GNAI2: variants seen among roughly 807,000 people sequenced by gnomAD.
GNAI2 encodes G protein subunit alpha i2.
In GNAI2, 4 loss-of-function variants were observed where a neutral mutation model predicts 36.8. The ratio of observed to expected loss-of-function variants is 0.11; its 90% confidence interval spans 0.05 to 0.25. The LOEUF (loss-of-function observed/expected upper bound fraction) is 0.25. Among genes scored for constraint, GNAI2 ranks in the 10% least tolerant of loss-of-function variants. GNAI2 has a pLI of 1.00. For synonymous variants in GNAI2, 194 were observed against 194.1 expected, an observed-to-expected ratio of 1.00 and a Z score of 0.01; for missense variants, 230 against 481.3, an observed-to-expected ratio of 0.48 and a Z score of 4.89.
At position 50,242,063 on chromosome 3, in the gene GNAI2, G is replaced by A. The variant is rs782772168; in HGVS notation, c.118+5610G>A. Reference sequence around the variant, plus strand: ...ACACACAGGTCCTGTATACTCTGCCGTTGATCTTAGTTCTTGGTCCCTGGC... The same window carrying A: ...ACACACAGGTCCTGTATACTCTGCCATTGATCTTAGTTCTTGGTCCCTGGC... On this transcript the variant is annotated intron_variant, in intron 1 of 8. Transcript: ENST00000313601. The surrounding 1 kb of genome is among the most constrained non-coding windows in gnomAD (Gnocchi z 4.8). Among the ~76,000 whole-genome samples, 30 of 152,108 alleles carry A rather than the reference G, an allele frequency of 2.0e-4. No homozygotes were observed. The highest frequency in any genetic ancestry group is 6.0e-4 in the African/African-American group (25 of 41,410).
chr3:50,228,139 C>T (rs1700011170), upstream of GNAI2, among the ~76,000 whole-genome samples: 4 of 152,254 alleles, frequency 2.6e-5, no homozygotes, highest in Admixed American at 2.6e-4. Flanking sequence ...CGGGACAGCC[C>T]TGTCTCCACA....
Position 50,242,900 on chromosome 3 carries a change from A to C in GNAI2, c.118+6447A>C, listed in dbSNP as rs1361377603. On this transcript the variant is annotated intron_variant, in intron 1 of 8. Coordinates refer to ENST00000313601, the MANE Select transcript of GNAI2 (RefSeq NM_002070.4). The surrounding 1 kb of genome is among the most constrained non-coding windows in gnomAD (Gnocchi z 4.8). Reference sequence around the variant, plus strand: ...TGCAAAGGAGGTGATGGCAGCACCTACTGTGTGTGCCCCCGGCGGGAGGAG... The same window carrying C: ...TGCAAAGGAGGTGATGGCAGCACCTCCTGTGTGTGCCCCCGGCGGGAGGAG... 6.6e-6 allele frequency among the ~76,000 whole-genome samples: 1 copy of C among 152,174 alleles called. No individual in the cohort carries two copies. The highest frequency in any genetic ancestry group is 1.5e-5 in the Non-Finnish European group (1 of 68,032).
At chr3:50,256,166 C>T (rs1553703117) in intron 4 of GNAI2, 26 bp from the exon 5 acceptor site, 1 of 1,329,946 alleles carries the variant, frequency 7.5e-7, no homozygotes, top group South Asian at 1.2e-5. Context: ...CTGGCCCCCA[C>T]TGACCCTCCC....
chr3:50,235,098 A>G (rs1575436668), upstream of GNAI2: 1 of 150,956 alleles, frequency 6.6e-6, no homozygotes, highest in Admixed American at 6.6e-5. Flanking sequence ...TTCCCTCCCA[A>G]CCCCCTCACC....
intron 1 of GNAI2, among the ~76,000 whole-genome samples, chr3:50,248,901 C>A (rs1197458153): frequency 1.3e-5 from 2 of 152,062 alleles, no homozygotes; most frequent in Non-Finnish European, 2.9e-5. Context: ...TGCTGCCTAC[C>A]TCATGTCTAC....
intron 1 of GNAI2, among the ~76,000 whole-genome samples, chr3:50,245,883 C>T (rs958785867): frequency 1.3e-5 from 2 of 152,258 alleles, no homozygotes; most frequent in South Asian, 2.1e-4. Flanking sequence ...GTAGTGCTCC[C>T]CTTTGGGCAC....
At position 50,255,155 on chromosome 3, in the gene GNAI2, G is replaced by C. The variant is rs1229427744; in HGVS notation, c.465-1037G>C. ...TTCCCTCTGGCCTGGTTTGGCCTGG[G>C]TGCTGGTGGGAGCCAAGGGCCAGCC... On this transcript the variant is annotated intron_variant, in intron 4 of 8. Transcript: ENST00000313601. This position sits in a 1 kb window ranked among gnomAD's most constrained non-coding sequence, Gnocchi z 4.0. Among the ~76,000 whole-genome samples the C allele has an allele frequency of 7.9e-5, 12 of 152,212 alleles. No individual in the cohort carries two copies. Among genetic ancestry groups the C allele is most frequent in the Admixed American group, 7.8e-4 (12 of 15,288 alleles).
upstream of GNAI2, chr3:50,230,259 C>T (rs1700047578): frequency 6.6e-6 from 1 of 152,424 alleles, no homozygotes; most frequent in African/African-American, 2.4e-5. Flanking sequence ...GGGGAAAGCG[C>T]AGGAGTTGAA....
Position 50,236,211 on chromosome 3 carries a change from C to G in GNAI2, c.-125C>G, listed in dbSNP as rs1274042657. 1.7e-6 allele frequency: 2 copies of G among 1,183,102 alleles called. No homozygotes were observed. The highest frequency in any genetic ancestry group is 1.6e-5 in the African/African-American group (1 of 62,244). The allele number at this position is 1,183,102 out of a possible 1,614,324, so 73.3% of individuals were successfully genotyped here. A position where few individuals can be genotyped will look rare whatever the true frequency, so the allele number is the denominator to read the frequency against. On this transcript the variant is annotated 5_prime_UTR_variant, in exon 1 of 9. Coordinates refer to ENST00000313601, the MANE Select transcript of GNAI2 (RefSeq NM_002070.4). The surrounding 1 kb of genome is among the most constrained non-coding windows in gnomAD (Gnocchi z 4.0). ...AGGGAAGGCGCCTCCCGCAGTCGCT[C>G]GGAACTGCCGACCCGAGTGCTTCCC...
rs1394968207 is a variant in GNAI2, at chr3:50,253,718, T to C, written c.464+534T>C. 1.3e-5 allele frequency among the ~76,000 whole-genome samples: 2 copies of C among 152,162 alleles called. No homozygotes were observed. Among genetic ancestry groups the C allele is most frequent in the Non-Finnish European group, 2.9e-5 (2 of 68,018 alleles). ...GAGATTGCGCCACTGCACTCTAGCTTGGGTGACAGAGCAAGACTCAGAACA... is the reference window on the plus strand; with the variant it reads ...GAGATTGCGCCACTGCACTCTAGCTCGGGTGACAGAGCAAGACTCAGAACA... On this transcript the variant is annotated intron_variant, in intron 4 of 8. Coordinates refer to ENST00000313601, the MANE Select transcript of GNAI2 (RefSeq NM_002070.4). This position sits in a 1 kb window ranked among gnomAD's most constrained non-coding sequence, Gnocchi z 4.2.
chr3:50,228,308 C>G (rs1052325512), upstream of GNAI2, among the ~76,000 whole-genome samples: 4 of 152,154 alleles, frequency 2.6e-5, no homozygotes, highest in African/African-American at 9.7e-5. Context: ...TCCTAGCACT[C>G]TGGGAGGCCG....
chr3:50,234,682 G>A (rs1314654267), upstream of GNAI2, among the ~76,000 whole-genome samples: 1 of 152,168 alleles, frequency 6.6e-6, no homozygotes. Flanking sequence ...TAAGGAAGGG[G>A]TTTATGCTAA....
intron 1 of GNAI2, among the ~76,000 whole-genome samples, chr3:50,245,728 T>C (rs879952803): frequency 6.6e-6 from 1 of 152,220 alleles, no homozygotes; most frequent in Non-Finnish European, 1.5e-5. Context: ...GTGCCTGAGT[T>C]TCCCTCTGTG....
At chr3:50,257,754 T>A in intron 8 of GNAI2, 40 bp downstream of exon 8, 4 of 895,426 alleles carry the variant, frequency 4.5e-6, no homozygotes, top group Non-Finnish European at 5.9e-6. Context: ...GGGGAAGAAC[T>A]AAGCGGGCCT....
chr3:50,247,149 C>T lies in GNAI2; in HGVS notation c.119-4951C>T. 3 of 696,438 alleles carry T rather than the reference C, an allele frequency of 4.3e-6. No homozygotes were observed. The South Asian group carries it at 4.5e-5, about 10-fold the overall frequency. The allele number at this position is 696,438 out of a possible 1,614,324, so 43.1% of individuals were successfully genotyped here. On this transcript the variant is annotated intron_variant, in intron 1 of 8. Coordinates refer to ENST00000313601, the MANE Select transcript of GNAI2 (RefSeq NM_002070.4). Reference sequence around the variant, plus strand: ...TTTTACCTGAATGCTCACATGTGCCCCACACTGTGAGAAGAGCTTTGCATT... The same window carrying T: ...TTTTACCTGAATGCTCACATGTGCCTCACACTGTGAGAAGAGCTTTGCATT...
upstream of GNAI2, among the ~76,000 whole-genome samples, chr3:50,227,970 TGGG>T (rs1187474332): frequency 1.3e-5 from 2 of 152,094 alleles, no homozygotes; most frequent in Non-Finnish European, 2.9e-5. The surrounding 1 kb of genome is among the most constrained non-coding windows in gnomAD (Gnocchi z 5.9). Flanking sequence ...ACGGGGACAT[TGGG>T]AGCCCCTTTA....
upstream of GNAI2, among the ~76,000 whole-genome samples, chr3:50,228,358 C>G (rs1188357982): frequency 6.6e-6 from 1 of 152,132 alleles, no homozygotes; most frequent in Non-Finnish European, 1.5e-5. Context: ...TTGAGACCAG[C>G]CTGGCCAACA....
intron 1 of GNAI2, among the ~76,000 whole-genome samples, chr3:50,248,674 C>G (rs1295066440): frequency 6.6e-6 from 1 of 152,184 alleles, no homozygotes; most frequent in Non-Finnish European, 1.5e-5. Context: ...GACAAAGAGA[C>G]CAGCCTGAGT....
upstream of GNAI2, among the ~76,000 whole-genome samples, chr3:50,228,443 C>G (rs755734464): frequency 9.9e-5 from 15 of 151,738 alleles, no homozygotes; most frequent in Non-Finnish European, 1.9e-4. Flanking sequence ...ATCCCAGCTA[C>G]TCAGAGGCTG....
Sources: allele counts gnomAD v4.1 joint callset (sites outside exome capture counted in the v4.1 genomes callset), GRCh38; gene constraint gnomAD v4.1.1; non-coding constraint Gnocchi (gnomAD v3.1); transcripts MANE v1.5; gene names NCBI Gene and HGNC (gene_info 2026-07-23, HGNC 2026-07-21).